The following SNX29 variants were observed in gnomAD, a reference collection of about 807,000 sequenced individuals.
SNX29 encodes sorting nexin-29.
SNX29 carries 78 observed loss-of-function variants against 102.1 expected under a neutral mutation model. That is an observed-to-expected ratio of 0.76 (90% CI 0.64 to 0.92). The LOEUF is 0.92. SNX29 is among the 40% of genes least tolerant of loss of function. SNX29 has a pLI of 0.00. For missense variants in SNX29, 1,280 were observed against 1,061.7 expected (o/e 1.21, Z -2.86); for synonymous variants, 580 against 414.5 (o/e 1.40, Z -4.85).
chr16:12,041,095 C>T (rs1385621910), intron 4 of SNX29, among the ~76,000 whole-genome samples: 1 of 152,116 alleles, frequency 6.6e-6, no homozygotes, highest in Non-Finnish European at 1.5e-5. Flanking sequence ...GGGTGAGCTA[C>T]CGCGCCATCC....
Position 12,013,500 on chromosome 16 carries a change from A to AAAAAATAT in SNX29, c.122+10458_122+10459insAAAATATA. Among the ~76,000 whole-genome samples the AAAAAATAT allele has an allele frequency of 1.3e-3, 41 of 31,614 alleles. 1 individual carries two copies. The highest frequency in any genetic ancestry group is 3.7e-3 in the East Asian group (2 of 534). The allele number at this position is 31,614 out of a possible 152,430, so 20.7% of individuals were successfully genotyped here. On this transcript the variant is annotated intron_variant, in intron 3 of 20. Transcript: ENST00000566228. The stretch of plus-strand genomic sequence containing the variant: ...GTCTCTACTGGGGGAAAAAAAAAAA[A>AAAAAATAT]ATATATATATATATATATATATATA...
At chr16:12,107,553 C>T (rs1383443785) in intron 11 of SNX29, among the ~76,000 whole-genome samples, 1 of 152,154 alleles carries the variant, frequency 6.6e-6, no homozygotes, top group East Asian at 1.9e-4. Context: ...AGGAGAATCT[C>T]TTGAACCTGG....
At position 12,570,601 on chromosome 16, in the gene SNX29, G is replaced by A. The variant is rs779318692; in HGVS notation, c.*1972G>A. ...CCTGGCCTGGGTAGCTACCCTGGAG[G>A]TCATCTCCCTGTTCTCTGTTGGATA... On this transcript the variant is annotated 3_prime_UTR_variant, in exon 21 of 21. Transcript: ENST00000566228. 9.5e-5 allele frequency: 22 copies of A among 232,002 alleles called. No homozygotes were observed. The East Asian group carries it at 1.1e-3, about 12-fold the overall frequency. 14.4% of individuals were successfully genotyped at this position (232,002 alleles called of 1,614,324 possible). A position where few individuals can be genotyped will look rare whatever the true frequency, so the allele number is the denominator to read the frequency against.
At chr16:12,073,535 G>A (rs977890003) in intron 10 of SNX29, among the ~76,000 whole-genome samples, 1 of 152,196 alleles carries the variant, frequency 6.6e-6, no homozygotes, top group Non-Finnish European at 1.5e-5. Flanking sequence ...TGGTCTGAGA[G>A]ACTGTTATAA....
At position 12,148,190 on chromosome 16, in the gene SNX29, C is replaced by T. The variant is rs2055147630; in HGVS notation, c.1595+18432C>T. Among the ~76,000 whole-genome samples, 4 of 152,308 alleles carry T rather than the reference C, an allele frequency of 2.6e-5. 1 individual carries two copies. The South Asian group carries it at 8.3e-4, about 32-fold the overall frequency. On this transcript the variant is annotated intron_variant, in intron 13 of 20. Coordinates refer to ENST00000566228, the MANE Select transcript of SNX29 (RefSeq NM_032167.5). Reference sequence around the variant, plus strand: ...AGCTCTCTGAGACCCGAGAGAGCTCCCTGAGAGCTGAGCCACACAGGTTAA... The same window carrying T: ...AGCTCTCTGAGACCCGAGAGAGCTCTCTGAGAGCTGAGCCACACAGGTTAA...
intron 10 of SNX29, among the ~76,000 whole-genome samples, chr16:12,070,851 T>G (rs2051262316): frequency 6.6e-6 from 1 of 152,260 alleles, no homozygotes; most frequent in African/African-American, 2.4e-5. Flanking sequence ...CCTGACTTTT[T>G]AATGATTGCC....
chr16:12,199,802 G>A, intron 14 of SNX29, 119 bp downstream of exon 14: 1 of 812,038 alleles, frequency 1.2e-6, no homozygotes, highest in Non-Finnish European at 2.0e-6. Flanking sequence ...TTAGAATAAT[G>A]GTGCTGCTCA....
intron 19 of SNX29, among the ~76,000 whole-genome samples, chr16:12,511,752 G>C (rs917508446): frequency 6.6e-6 from 1 of 152,128 alleles, no homozygotes; most frequent in African/African-American, 2.4e-5. Context: ...CCAGGGATTG[G>C]GGCTATGATC....
intron 19 of SNX29, among the ~76,000 whole-genome samples, chr16:12,521,231 T>C (rs2090087041): frequency 6.6e-6 from 1 of 151,994 alleles, no homozygotes; most frequent in Non-Finnish European, 1.5e-5. Context: ...TAACCAGAAA[T>C]CACCTGTACC....
chr16:12,372,459 G>T (rs1412338170), intron 16 of SNX29: 1 of 151,930 alleles, frequency 6.6e-6, no homozygotes, highest in Non-Finnish European at 1.5e-5. Flanking sequence ...AATTAATTCC[G>T]TTGAGCTACA....
At position 12,335,213 on chromosome 16, in the gene SNX29, T is replaced by C. The variant is rs556905133; in HGVS notation, c.1783-20950T>C. ...GTCTTAAATGTCTGAGTTATAGATC[T>C]TTGAGGGCCTTGAACTCCAGGACAG... is the stretch of plus-strand genomic sequence containing the variant. On this transcript the variant is annotated intron_variant, in intron 15 of 20. Coordinates refer to ENST00000566228, the MANE Select transcript of SNX29 (RefSeq NM_032167.5). 5.9e-5 allele frequency among the ~76,000 whole-genome samples: 9 copies of C among 152,150 alleles called. No individual in the cohort carries two copies. In the South Asian group the frequency reaches 1.7e-3, roughly 28 times the overall value.
chr16:12,153,961 G>A (rs1203369301), intron 13 of SNX29, among the ~76,000 whole-genome samples: 1 of 152,196 alleles, frequency 6.6e-6, no homozygotes, highest in Non-Finnish European at 1.5e-5. Context: ...TATGGAGACG[G>A]TGTCCTCCCG....
chr16:12,418,746 C>T (rs1260674242), intron 18 of SNX29, among the ~76,000 whole-genome samples: 1 of 152,114 alleles, frequency 6.6e-6, no homozygotes, highest in Non-Finnish European at 1.5e-5. Context: ...ACCTCCTAAC[C>T]TCAAGTGATC....
intron 15 of SNX29, among the ~76,000 whole-genome samples, chr16:12,323,704 G>A (rs2081032361): frequency 1.3e-5 from 2 of 152,208 alleles, no homozygotes; most frequent in South Asian, 4.1e-4. Flanking sequence ...ACACTGGTGG[G>A]GTGATTAAGG....
At chr16:12,343,422 A>G (rs2081674440) in intron 15 of SNX29, among the ~76,000 whole-genome samples, 1 of 152,230 alleles carries the variant, frequency 6.6e-6, no homozygotes. Context: ...GCTGCTCTGA[A>G]GTCACATCTT....
chr16:12,091,094 A>G (rs2052520758), intron 11 of SNX29, among the ~76,000 whole-genome samples: 1 of 150,782 alleles, frequency 6.6e-6, no homozygotes, highest in African/African-American at 2.4e-5. Flanking sequence ...ATACTTTCTT[A>G]TTCATTTTAC....
intron 20 of SNX29, among the ~76,000 whole-genome samples, chr16:12,568,158 A>T (rs568838462): frequency 6.6e-6 from 1 of 152,252 alleles, no homozygotes; most frequent in South Asian, 2.1e-4. Context: ...TTAGAAGCGT[A>T]CCTTTGCTGG....
At chr16:12,271,051 C>A (rs7204209) in intron 14 of SNX29, among the ~76,000 whole-genome samples, 94,356 of 151,876 alleles carry the variant, frequency 0.62, 30,358 homozygotes, top group African/African-American at 0.77. Context: ...AAAAATCAAT[C>A]AATAAATAAA....
chr16:12,204,157 A>C (rs2076987522), intron 14 of SNX29, among the ~76,000 whole-genome samples: 1 of 152,188 alleles, frequency 6.6e-6, no homozygotes, highest in Non-Finnish European at 1.5e-5. Context: ...GCTGAAAGGC[A>C]GAGAGAAAGC....
Sources: allele counts gnomAD v4.1 joint callset (sites outside exome capture counted in the v4.1 genomes callset), GRCh38; gene constraint gnomAD v4.1.1; transcripts MANE v1.5; gene names NCBI Gene and HGNC (gene_info 2026-07-23, HGNC 2026-07-21).